The following GALK2 variants were observed in gnomAD, a reference collection of about 807,000 sequenced individuals.
GALK2 encodes N-acetylgalactosamine kinase.
Under a neutral mutation model 52.4 loss-of-function variants are expected in GALK2, and 36 were observed. That is an observed-to-expected ratio of 0.69 (90% CI 0.53 to 0.91). The LOEUF is 0.91. Among genes scored for constraint, GALK2 ranks in the 40% least tolerant of loss-of-function variants. GALK2 has a pLI of 0.00. For synonymous variants in GALK2, 176 were observed against 199.1 expected, an observed-to-expected ratio of 0.88 and a Z score of 0.98; for missense variants, 579 against 559.1, an observed-to-expected ratio of 1.04 and a Z score of -0.36.
intron 1 of GALK2, among the ~76,000 whole-genome samples, chr15:49,174,414 C>T (rs773388583): frequency 5.3e-5 from 8 of 152,142 alleles, no homozygotes; most frequent in African/African-American, 7.2e-5. Flanking sequence ...GTCATGAACT[C>T]GGCTCACCAC....
chr15:49,181,661 G>A (rs1033600332), intron 1 of GALK2, among the ~76,000 whole-genome samples: 13 of 151,326 alleles, frequency 8.6e-5, no homozygotes, highest in African/African-American at 3.2e-4. Flanking sequence ...ACAGGAGCCC[G>A]CCACCATGCC....
At chr15:49,314,579 A>G (rs1173818450) in intron 8 of GALK2, among the ~76,000 whole-genome samples, 2 of 152,370 alleles carry the variant, frequency 1.3e-5, no homozygotes, top group East Asian at 3.9e-4. Flanking sequence ...TGAATTATGC[A>G]TTCAACAAAC....
intron 2 of GALK2, among the ~76,000 whole-genome samples, chr15:49,212,282 G>A (rs561012534): frequency 6.6e-6 from 1 of 151,926 alleles, no homozygotes. Context: ...TAGTAGAGAT[G>A]GGGTTTCACC....
At chr15:49,168,509 A>G (rs1020693759), upstream of GALK2, among the ~76,000 whole-genome samples, 8 of 152,196 alleles carry the variant, frequency 5.3e-5, no homozygotes, top group Non-Finnish European at 7.4e-5. Flanking sequence ...ACCTGAGGTC[A>G]GGAGCTCGAG....
intron 1 of GALK2, chr15:49,159,017 CAG>C (rs2084552017): frequency 1.3e-5 from 2 of 152,110 alleles, no homozygotes; most frequent in South Asian, 4.1e-4. Context: ...TTTGTAGAGA[CAG>C]GGGTCTCACC....
At chr15:49,260,832 C>G (rs985407153) in intron 5 of GALK2, among the ~76,000 whole-genome samples, 10 of 152,060 alleles carry the variant, frequency 6.6e-5, no homozygotes, top group Non-Finnish European at 5.9e-5. Context: ...GAATCCTTTC[C>G]CCATTGCTTG....
At chr15:49,295,133 C>T (rs945078708) in intron 8 of GALK2, among the ~76,000 whole-genome samples, 3 of 149,614 alleles carry the variant, frequency 2.0e-5, no homozygotes, top group African/African-American at 7.4e-5. Flanking sequence ...TTGCTGGTAT[C>T]TAGGAGTGAA....
chr15:49,326,052 A>G (rs1346299790), intron 9 of GALK2, among the ~76,000 whole-genome samples: 1 of 152,182 alleles, frequency 6.6e-6, no homozygotes, highest in Non-Finnish European at 1.5e-5. Context: ...GGACCCTTAA[A>G]GACTTGATAA....
intron 3 of GALK2, among the ~76,000 whole-genome samples, chr15:49,351,884 T>C (rs1002828736): frequency 3.3e-5 from 5 of 152,222 alleles, no homozygotes; most frequent in African/African-American, 1.2e-4. Flanking sequence ...TATGGTTTAG[T>C]TGTCTATTGC....
At chr15:49,273,240 T>C (rs1595915696) in intron 5 of GALK2, among the ~76,000 whole-genome samples, 1 of 152,050 alleles carries the variant, frequency 6.6e-6, no homozygotes, top group South Asian at 2.1e-4. Flanking sequence ...CTGTGGTGTT[T>C]CTACATTTTT....
At chr15:49,171,506 A>T (rs1163866497) in intron 1 of GALK2, among the ~76,000 whole-genome samples, 1 of 152,150 alleles carries the variant, frequency 6.6e-6, no homozygotes, top group Non-Finnish European at 1.5e-5. Flanking sequence ...ACTTTACTAC[A>T]ACTTGAAAAT....
rs546385910 is a variant in GALK2 at position 49,359,566 on chromosome 15, A to G, written c.427-7925A>G. On this transcript the variant is annotated intron_variant, in intron 3 of 3. Transcript: ENST00000558399. ...ACCATCTCACACCAGTTAGAATGGC[A>G]ATCATTAAAAAGTCAGGAAACAACA... 1.7e-5 allele frequency among the ~76,000 whole-genome samples: 2 copies of G among 116,226 alleles called. 1 individual carries two copies. Among genetic ancestry groups the G allele is most frequent in the East Asian group, 5.0e-4 (2 of 4,004 alleles). 76.2% of individuals were successfully genotyped at this position (116,226 alleles called of 152,430 possible).
intron 3 of GALK2, among the ~76,000 whole-genome samples, chr15:49,350,987 T>C (rs1055676316): frequency 3.3e-5 from 5 of 152,196 alleles, no homozygotes; most frequent in Non-Finnish European, 5.9e-5. Context: ...TGAGCACATA[T>C]ATGCTACACA....
chr15:49,281,737 A>T (rs2127241), intron 5 of GALK2, among the ~76,000 whole-genome samples: 100,246 of 152,080 alleles, frequency 0.66, 33,633 homozygotes, highest in African/African-American at 0.74. Flanking sequence ...TGTGGAGACT[A>T]TTAGGGATGG....
chr15:49,225,792 C>T (rs566107475), intron 3 of GALK2, among the ~76,000 whole-genome samples: 10 of 152,350 alleles, frequency 6.6e-5, no homozygotes, highest in Admixed American at 5.9e-4. Flanking sequence ...GGGACTGGCC[C>T]ACAGCTCCAT....
intron 1 of GALK2, among the ~76,000 whole-genome samples, chr15:49,193,733 TA>T (rs1351014621): frequency 3.5e-4 from 53 of 151,668 alleles, no homozygotes; most frequent in African/African-American, 1.2e-3. Flanking sequence ...TTTTTATTTT[TA>T]TTTTTTTTTT....
At chr15:49,282,129 G>A (rs2032790263) in intron 6 of GALK2, 44 bp downstream of exon 6, 1 of 1,453,898 alleles carries the variant, frequency 6.9e-7, no homozygotes. Context: ...ATTCCTAGTG[G>A]GAAAATTTAC....
At chr15:49,317,314 A>G (rs988453351) in intron 8 of GALK2, among the ~76,000 whole-genome samples, 3 of 152,024 alleles carry the variant, frequency 2.0e-5, no homozygotes, top group South Asian at 2.1e-4. Context: ...AAAAAAGTGC[A>G]TCATCACTGG....
At chr15:49,236,208 A>G (rs965464515) in intron 4 of GALK2, among the ~76,000 whole-genome samples, 6 of 152,158 alleles carry the variant, frequency 3.9e-5, no homozygotes, top group African/African-American at 1.4e-4. Flanking sequence ...ATCTTTGTTT[A>G]AACATACTTT....
Sources: allele counts gnomAD v4.1 joint callset (sites outside exome capture counted in the v4.1 genomes callset), GRCh38; gene constraint gnomAD v4.1.1; transcripts MANE v1.5; gene names NCBI Gene and HGNC (gene_info 2026-07-23, HGNC 2026-07-21).